The following NOL4L variants were observed in gnomAD, a reference collection of about 807,000 sequenced individuals.
NOL4L encodes nucleolar protein 4 like, also known as nucleolar protein 4-like.
Under a neutral mutation model 64.5 loss-of-function variants are expected in NOL4L, and 7 were observed. The observed-to-expected ratio is 0.11, with a 90% CI of 0.06 to 0.20. NOL4L has a LOEUF of 0.20. Ranked by LOEUF, NOL4L falls within the 10% of genes least tolerant of loss-of-function variation. The probability of loss-of-function intolerance (pLI) is 1.00; values close to 1 mark genes in which losing one functional copy is unlikely to be tolerated. For missense variants in NOL4L, 680 were observed against 967.1 expected (o/e 0.70, Z 3.94); for synonymous variants, 413 against 401.0 (o/e 1.03, Z -0.36).
intron 3 of NOL4L, among the ~76,000 whole-genome samples, chr20:32,516,934 G>A (rs1363108597): frequency 6.6e-6 from 1 of 152,250 alleles, no homozygotes; most frequent in Admixed American, 6.5e-5. Context: ...AAAGAAAACA[G>A]AGACATGCCT....
In NOL4L at chr20:32,527,893, C is replaced by T. The variant is rs752409120; in HGVS notation, c.342G>A (p.Glu114=). The T allele has an allele frequency of 3.2e-6, 5 of 1,550,464 alleles. No individual in the cohort carries two copies. The South Asian group carries it at 5.9e-5, about 18-fold the overall frequency. The change falls in exon 2 of 11, where the codon GAG becomes GAA. Residue 114 remains glutamate (E), a synonymous_variant. Transcript: ENST00000621426. ...KTGSGADGLS[E]PEGISLKRVA... ...CCCGCTTCAGAGAGATGCCCTCTGG[C>T]TCCGACAGGCCATCTGCCCCCTGCG...
At chr20:32,549,349 G>T (rs1457818321) in intron 1 of NOL4L, among the ~76,000 whole-genome samples, 2 of 152,112 alleles carry the variant, frequency 1.3e-5, no homozygotes, top group Non-Finnish European at 2.9e-5. Flanking sequence ...TGGCCAATAA[G>T]CACATGAAAA....
chr20:32,464,906 C>T lies in NOL4L; in HGVS notation c.842-8511G>A, dbSNP rs991240612. The T allele has an allele frequency of 4.6e-5, 20 of 431,726 alleles. No homozygotes were observed. Among genetic ancestry groups the T allele is most frequent in the African/African-American group, 1.4e-4 (7 of 48,784 alleles). The allele number at this position is 431,726 out of a possible 1,614,324, so 26.7% of individuals were successfully genotyped here. On this transcript the variant is annotated intron_variant, in intron 5 of 10. Transcript: ENST00000621426. This position sits in a 1 kb window ranked among gnomAD's most constrained non-coding sequence, Gnocchi z 5.6. ...CTTCTTTCCTACGGAGCCGCTGAGA[C>T]GCAGCGTGTATTGCACACCTGTCTG...
At chr20:32,574,243 C>G (rs1193372165) in intron 1 of NOL4L, among the ~76,000 whole-genome samples, 5 of 152,208 alleles carry the variant, frequency 3.3e-5, no homozygotes, top group African/African-American at 1.2e-4. Flanking sequence ...CGGGGAGACC[C>G]CTCTTCACAT....
intron 2 of NOL4L, among the ~76,000 whole-genome samples, chr20:32,525,906 C>T (rs1002227647): frequency 2.0e-5 from 3 of 152,160 alleles, no homozygotes; most frequent in Non-Finnish European, 2.9e-5. Context: ...TATAGGCATG[C>T]GCCACCATGC....
chr20:32,580,914 A>C (rs1034417010), intron 1 of NOL4L, among the ~76,000 whole-genome samples: 1 of 152,190 alleles, frequency 6.6e-6, no homozygotes, highest in Non-Finnish European at 1.5e-5. Context: ...CTCCACTCAG[A>C]GAGGCCAGAG....
chr20:32,448,903 C>T (rs926472012), intron 10 of NOL4L, among the ~76,000 whole-genome samples: 4 of 152,202 alleles, frequency 2.6e-5, no homozygotes, highest in Admixed American at 2.0e-4. Flanking sequence ...TCAGAGCCCT[C>T]ATCTGCCAAA....
At chr20:32,487,934 A>AT (rs36085049) in intron 4 of NOL4L, among the ~76,000 whole-genome samples, 10,128 of 105,894 alleles carry the variant, frequency 0.096, 439 homozygotes, top group African/African-American at 0.18. Context: ...TGTTGGTTTT[A>AT]TTTTTTTTTT....
chr20:32,454,281 C>T (rs998584363), intron 6 of NOL4L, among the ~76,000 whole-genome samples: 11 of 152,218 alleles, frequency 7.2e-5, no homozygotes, highest in African/African-American at 2.7e-4. Flanking sequence ...ATGCGCTGGG[C>T]GAGGTAGCCA....
At chr20:32,568,504 C>T (rs1979571058) in intron 1 of NOL4L, among the ~76,000 whole-genome samples, 2 of 152,118 alleles carry the variant, frequency 1.3e-5, no homozygotes, top group African/African-American at 2.4e-5. Flanking sequence ...TCTGCACACA[C>T]TGGACCAGAC....
At chr20:32,583,090 C>T (rs1266730101) in intron 1 of NOL4L, among the ~76,000 whole-genome samples, 1 of 152,130 alleles carries the variant, frequency 6.6e-6, no homozygotes, top group Non-Finnish European at 1.5e-5. Flanking sequence ...TGCCCGGCCC[C>T]CTGTTCCCGG....
intron 4 of NOL4L, among the ~76,000 whole-genome samples, chr20:32,505,434 TAA>T (rs2145544374): frequency 1.3e-5 from 2 of 152,184 alleles, no homozygotes; most frequent in East Asian, 3.9e-4. Flanking sequence ...TAAAAAGGAA[TAA>T]AGTTGGTCAG....
At chr20:32,448,044 C>A (rs1019336328) in intron 10 of NOL4L, among the ~76,000 whole-genome samples, 1 of 152,116 alleles carries the variant, frequency 6.6e-6, no homozygotes, top group Non-Finnish European at 1.5e-5. Flanking sequence ...TGCAAGGATC[C>A]GGTTTTAGGT....
intron 4 of NOL4L, among the ~76,000 whole-genome samples, chr20:32,492,213 T>A (rs763275083): frequency 5.9e-5 from 9 of 152,202 alleles, no homozygotes; most frequent in Non-Finnish European, 8.8e-5. Flanking sequence ...GATGGATACA[T>A]TGTGGGCCCC....
chr20:32,467,918 C>A (rs1737895), intron 5 of NOL4L, among the ~76,000 whole-genome samples: 2,564 of 152,292 alleles, frequency 0.017, 63 homozygotes, highest in African/African-American at 0.058. Flanking sequence ...AAATACCGAG[C>A]CCTGGGCACT....
chr20:32,534,684 C>T (rs1362792967), intron 1 of NOL4L, among the ~76,000 whole-genome samples: 1 of 151,540 alleles, frequency 6.6e-6, no homozygotes, highest in Non-Finnish European at 1.5e-5. Flanking sequence ...GACCCCCACT[C>T]CCCCCACCCC....
chr20:32,477,198 G>A (rs925608664), intron 4 of NOL4L, among the ~76,000 whole-genome samples: 1 of 152,178 alleles, frequency 6.6e-6, no homozygotes, highest in Non-Finnish European at 1.5e-5. Context: ...GGGGCCCAGC[G>A]CTCCCCTGGA....
chr20:32,536,104 G>A (rs750037058), intron 1 of NOL4L: 7 of 985,524 alleles, frequency 7.1e-6, no homozygotes, highest in Middle Eastern at 5.2e-4. Context: ...CCACCTCATA[G>A]GAAGTGTGTG....
intron 4 of NOL4L, among the ~76,000 whole-genome samples, chr20:32,507,880 G>A (rs759428872): frequency 4.6e-5 from 7 of 152,080 alleles, no homozygotes; most frequent in African/African-American, 9.7e-5. Context: ...GCCTAGTGGC[G>A]GCCTCCTGTA....
Sources: allele counts gnomAD v4.1 joint callset (sites outside exome capture counted in the v4.1 genomes callset), GRCh38; gene constraint gnomAD v4.1.1; non-coding constraint Gnocchi (gnomAD v3.1); transcripts MANE v1.5; gene names NCBI Gene and HGNC (gene_info 2026-07-23, HGNC 2026-07-21).